The following KAZN variants were observed in gnomAD, a reference collection of about 807,000 sequenced individuals.
KAZN encodes the protein kazrin.
A neutral mutation model predicts 87.4 loss-of-function variants in KAZN; 40 were observed. The observed-to-expected ratio is 0.46, with a 90% CI of 0.36 to 0.60. The LOEUF is 0.60. Among genes scored for constraint, KAZN ranks in the 20% least tolerant of loss-of-function variants. The probability of loss-of-function intolerance (pLI) is 0.00; values close to 1 mark genes in which losing one functional copy is unlikely to be tolerated. For synonymous variants in KAZN, 466 were observed against 458.3 expected, an observed-to-expected ratio of 1.02 and a Z score of -0.22; for missense variants, 898 against 1,073.9, an observed-to-expected ratio of 0.84 and a Z score of 2.29.
chr1:14,470,385 A>G (rs1172287321), intron 2 of KAZN, among the ~76,000 whole-genome samples: 4 of 152,196 alleles, frequency 2.6e-5, no homozygotes, highest in African/African-American at 9.7e-5. Context: ...AGACCAGGGC[A>G]CAAGAAAGAA....
chr1:14,000,682 G>C (rs1455136273), intron 1 of KAZN, among the ~76,000 whole-genome samples: 1 of 152,182 alleles, frequency 6.6e-6, no homozygotes, highest in Non-Finnish European at 1.5e-5. Context: ...ATTCAACATA[G>C]TATTGGAAGT....
intron 1 of KAZN, among the ~76,000 whole-genome samples, chr1:13,969,406 A>G (rs1166434501): frequency 1.3e-5 from 2 of 152,208 alleles, no homozygotes; most frequent in Non-Finnish European, 2.9e-5. Flanking sequence ...GAGAAAACCA[A>G]ATGAAGATGG....
chr1:14,648,734 T>C (rs900593190), intron 1 of KAZN, among the ~76,000 whole-genome samples: 2 of 152,174 alleles, frequency 1.3e-5, no homozygotes, highest in Non-Finnish European at 2.9e-5. Context: ...GAGTTAGAGA[T>C]TGGGAGTCCC....
chr1:14,138,181 T>C (rs1385265754), intron 1 of KAZN, among the ~76,000 whole-genome samples: 1 of 151,926 alleles, frequency 6.6e-6, no homozygotes, highest in Non-Finnish European at 1.5e-5. Context: ...ACAAACTATA[T>C]AGAAATGTAT....
chr1:14,161,592 G>A (rs989080389), intron 1 of KAZN, among the ~76,000 whole-genome samples: 4 of 152,284 alleles, frequency 2.6e-5, no homozygotes, highest in Admixed American at 6.5e-5. Context: ...TATCCCAGAC[G>A]TCAAATGGAC....
chr1:15,070,773 C>G (rs77209368), intron 8 of KAZN, among the ~76,000 whole-genome samples: 12,882 of 152,160 alleles, frequency 0.085, 1,735 homozygotes, highest in African/African-American at 0.29. Context: ...CTCGGGATGT[C>G]GAGGCTGCAA....
At chr1:14,254,391 C>T (rs976906673) in intron 2 of KAZN, among the ~76,000 whole-genome samples, 1 of 152,182 alleles carries the variant, frequency 6.6e-6, no homozygotes, top group Non-Finnish European at 1.5e-5. Flanking sequence ...ATCTCCACGT[C>T]GTTTTGCAGA....
chr1:14,665,932 CAAAAA>C (rs60081619), intron 1 of KAZN, among the ~76,000 whole-genome samples: 6 of 108,044 alleles, frequency 5.6e-5, no homozygotes, highest in Admixed American at 3.2e-4. Context: ...AAGCTTTGCT[CAAAAA>C]AAAAAAAAAA....
intron 1 of KAZN, among the ~76,000 whole-genome samples, chr1:14,830,048 A>G (rs1368788553): frequency 6.6e-6 from 1 of 152,210 alleles, no homozygotes; most frequent in Non-Finnish European, 1.5e-5. Context: ...AAGGGTGGGG[A>G]AAATGGTTTA....
intron 1 of KAZN, among the ~76,000 whole-genome samples, chr1:14,893,016 T>C (rs1032142407): frequency 6.6e-6 from 1 of 152,254 alleles, no homozygotes; most frequent in Admixed American, 6.5e-5. Flanking sequence ...CTGATTAGAC[T>C]GGTCCCTACT....
intron 1 of KAZN, among the ~76,000 whole-genome samples, chr1:14,743,751 C>A (rs1403191567): frequency 6.6e-6 from 1 of 152,152 alleles, no homozygotes; most frequent in African/African-American, 2.4e-5. Context: ...CTGTCTTGAA[C>A]CACTTTATTT....
At chr1:15,100,383 G>A (rs1447427386) in intron 10 of KAZN, among the ~76,000 whole-genome samples, 2 of 152,172 alleles carry the variant, frequency 1.3e-5, no homozygotes, top group African/African-American at 2.4e-5. Context: ...GAGCAGGGTG[G>A]AGTGGCTTTG....
At chr1:14,388,151 C>T (rs567019050) in intron 2 of KAZN, among the ~76,000 whole-genome samples, 1 of 152,212 alleles carries the variant, frequency 6.6e-6, no homozygotes, top group Non-Finnish European at 1.5e-5. Flanking sequence ...CCGAGTGAGG[C>T]AATGCCTCGC....
At chr1:14,643,816 C>T (rs1680589722) in intron 1 of KAZN, among the ~76,000 whole-genome samples, 1 of 152,128 alleles carries the variant, frequency 6.6e-6, no homozygotes, top group Admixed American at 6.5e-5. Context: ...TCTCTGCAAC[C>T]TCATCAGCAT....
chr1:14,557,094 T>C (rs1673930171), intron 2 of KAZN, among the ~76,000 whole-genome samples: 2 of 151,996 alleles, frequency 1.3e-5, no homozygotes, highest in Non-Finnish European at 2.9e-5. Flanking sequence ...AAAAACGAAA[T>C]CTGCCCTAGG....
chr1:14,590,915 C>T (rs1314095801), intron 2 of KAZN, among the ~76,000 whole-genome samples: 1 of 152,320 alleles, frequency 6.6e-6, no homozygotes, highest in East Asian at 1.9e-4. Context: ...TGGACTTAAA[C>T]CCATGCCTAA....
chr1:15,088,333 G>A lies in KAZN; in HGVS notation c.1223-5847G>A, dbSNP rs72640703. Among the ~76,000 whole-genome samples, 571 of 152,298 alleles carry A rather than the reference G, an allele frequency of 3.7e-3. 3 individuals are homozygous for A. The highest frequency in any genetic ancestry group is 0.016 in the South Asian group (76 of 4,826). On this transcript the variant is annotated intron_variant, in intron 8 of 14. Transcript: ENST00000376030. ...TGCCTCTGTAAGGCCTCATTTAGGG[G>A]AGACGTCAATGGTCACACTCAGTAG... is the stretch of plus-strand genomic sequence containing the variant.
intron 1 of KAZN, among the ~76,000 whole-genome samples, chr1:14,832,896 G>T (rs529463741): frequency 3.3e-5 from 5 of 152,292 alleles, no homozygotes; most frequent in Non-Finnish European, 7.4e-5. Flanking sequence ...GAACCCAAGC[G>T]TGCTCATTCC....
intron 13 of KAZN, among the ~76,000 whole-genome samples, chr1:15,105,253 G>A (rs1441151228): frequency 1.3e-5 from 2 of 152,196 alleles, no homozygotes. Context: ...TTATTCTTTA[G>A]ACATTTGGTA....
Sources: gnomAD v4.1 joint callset for allele counts (sites outside exome capture counted in the v4.1 genomes callset) on GRCh38, gnomAD v4.1.1 for gene constraint, MANE v1.5 for transcripts, NCBI Gene and HGNC (gene_info 2026-07-23, HGNC 2026-07-21) for gene names.